The following SLC25A48 variants were observed in gnomAD, a reference collection of about 807,000 sequenced individuals.
SLC25A48 encodes CTC-321K16.1.
SLC25A48 carries 29 observed loss-of-function variants against 32.2 expected under a neutral mutation model. The ratio of observed to expected loss-of-function variants is 0.90; its 90% confidence interval spans 0.67 to 1.23. The LOEUF is 1.23. Ranked by LOEUF, SLC25A48 falls within the 50% of genes most tolerant of loss-of-function variation. SLC25A48 has a pLI of 0.00. For synonymous variants in SLC25A48, 164 were observed against 172.3 expected, an observed-to-expected ratio of 0.95 and a Z score of 0.38; for missense variants, 399 against 422.7, an observed-to-expected ratio of 0.94 and a Z score of 0.49.
chr5:135,645,248 T>G (rs1752932371), intron 3 of SLC25A48, among the ~76,000 whole-genome samples: 1 of 152,236 alleles, frequency 6.6e-6, no homozygotes, highest in African/African-American at 2.4e-5. Flanking sequence ...CTCCTTTCTG[T>G]GAGGGCCCTT....
intron 4 of SLC25A48, among the ~76,000 whole-genome samples, chr5:135,819,166 T>G (rs557174183): frequency 6.4e-4 from 96 of 149,500 alleles, no homozygotes; most frequent in Middle Eastern, 3.4e-3. Context: ...AAAAAAAAAT[T>G]TGACAAAATA....
At chr5:135,787,692 T>A (rs1756884102) in intron 3 of SLC25A48, among the ~76,000 whole-genome samples, 1 of 151,800 alleles carries the variant, frequency 6.6e-6, no homozygotes, top group African/African-American at 2.4e-5. Flanking sequence ...TCACTGGGGG[T>A]GTACACTGTG....
chr5:135,845,769 A>G (rs1759355142), intron 2 of SLC25A48, among the ~76,000 whole-genome samples: 1 of 152,184 alleles, frequency 6.6e-6, no homozygotes, highest in Admixed American at 6.5e-5. Flanking sequence ...AGGGAGGCAG[A>G]CAGTCACTTG....
At position 135,852,615 on chromosome 5, in the gene SLC25A48, A is replaced by G. The variant is rs1271318668; in HGVS notation, c.215A>G (p.Tyr72Cys). The stretch of plus-strand genomic sequence containing the variant: ...TTCCCCCTCGCCAGCATTGCCGTCT[A>G]CAACTCCGTGGTGTTTGGGGTCTTC... ...MSFPLASIAV[Y>C]NSVVFGVFSN... Residue 72 changes from tyrosine (Y) to cysteine (C), a missense_variant, in exon 4 of 8, where the codon TAC becomes TGC. Coordinates refer to ENST00000681962, the MANE Select transcript of SLC25A48 (RefSeq NM_001349336.2). 6.2e-7 allele frequency: 1 copy of G among 1,610,600 alleles called. No individual in the cohort carries two copies. The highest frequency in any genetic ancestry group is 2.2e-5 in the East Asian group (1 of 44,772).
In SLC25A48 at chr5:135,795,111, T is replaced by A. The variant is rs1022664110; in HGVS notation, c.-520-17412T>A. 1.6e-4 allele frequency among the ~76,000 whole-genome samples: 25 copies of A among 151,888 alleles called. No homozygotes were observed. In the South Asian group the frequency reaches 4.8e-3, roughly 29 times the overall value. On this transcript the variant is annotated intron_variant, in intron 3 of 10. Coordinates refer to the SLC25A48 transcript ENST00000646290. ...TAGCATCACAGGGGCTGTACACCAC[T>A]CCTGTGATATTGTTCCTAACACCCT...
chr5:135,806,268 C>T (rs1310479416), intron 3 of SLC25A48, among the ~76,000 whole-genome samples: 1 of 151,596 alleles, frequency 6.6e-6, no homozygotes, highest in African/African-American at 2.4e-5. Flanking sequence ...TCTGATGTGG[C>T]TATAACGGAT....
chr5:135,781,776 GGAT>G (rs1397541256), intron 3 of SLC25A48, among the ~76,000 whole-genome samples: 3 of 116,604 alleles, frequency 2.6e-5, no homozygotes, highest in African/African-American at 7.8e-5. Flanking sequence ...ATGGGAAAGA[GGAT>G]GATATTACTG....
At chr5:135,753,923 T>TGCCA (rs1755832683) in intron 3 of SLC25A48, among the ~76,000 whole-genome samples, 1 of 151,968 alleles carries the variant, frequency 6.6e-6, no homozygotes, top group Non-Finnish European at 1.5e-5. Context: ...AGGGTGTACA[T>TGCCA]GCCAGTTGTA....
intron 3 of SLC25A48, among the ~76,000 whole-genome samples, chr5:135,660,676 C>A (rs1753375364): frequency 2.0e-5 from 3 of 152,154 alleles, no homozygotes; most frequent in Admixed American, 6.5e-5. Context: ...AAGGACTCAG[C>A]TGAGAAGATT....
intron 3 of SLC25A48, among the ~76,000 whole-genome samples, chr5:135,738,635 T>C (rs1327890061): frequency 6.6e-6 from 1 of 152,232 alleles, no homozygotes; most frequent in Non-Finnish European, 1.5e-5. Flanking sequence ...TCTGGGCTTC[T>C]GATCTGTGAG....
At chr5:135,770,171 T>C (rs939500155) in intron 3 of SLC25A48, among the ~76,000 whole-genome samples, 3 of 148,352 alleles carry the variant, frequency 2.0e-5, no homozygotes, top group Non-Finnish European at 4.5e-5. Context: ...AGAAAAGAAG[T>C]GGATGATATT....
intron 3 of SLC25A48, among the ~76,000 whole-genome samples, chr5:135,805,661 A>G (rs1347228968): frequency 3.3e-5 from 5 of 151,618 alleles, no homozygotes; most frequent in Admixed American, 6.6e-5. Flanking sequence ...CAGTGGAGGT[A>G]CACCCTGTGA....
intron 4 of SLC25A48, among the ~76,000 whole-genome samples, chr5:135,855,047 T>C (rs779353246): frequency 4.6e-5 from 7 of 152,206 alleles, no homozygotes; most frequent in Non-Finnish European, 1.0e-4. Context: ...AGAGCAACCA[T>C]GATTAAGCTG....
intron 7 of SLC25A48, among the ~76,000 whole-genome samples, chr5:135,886,588 AATATATATATATATAT>A (rs147005349): frequency 3.1e-4 from 11 of 35,446 alleles, no homozygotes; most frequent in East Asian, 2.9e-3. Context: ...TATTTAACCA[AATATATATATATATAT>A]ATATATATAT....
chr5:135,746,418 C>T (rs576592726), intron 3 of SLC25A48: 5 of 190,476 alleles, frequency 2.6e-5, no homozygotes, highest in South Asian at 1.8e-4. Context: ...CTGCCACCCA[C>T]GCCTCCTCCA....
At chr5:135,739,219 G>A (rs1755446668) in intron 3 of SLC25A48, among the ~76,000 whole-genome samples, 1 of 152,150 alleles carries the variant, frequency 6.6e-6, no homozygotes, top group Non-Finnish European at 1.5e-5. Flanking sequence ...CCAGGCTCAA[G>A]TGATCCTCCT....
At chr5:135,771,939 A>G (rs12186937) in intron 3 of SLC25A48, among the ~76,000 whole-genome samples, 45,629 of 150,808 alleles carry the variant, frequency 0.3, 7,052 homozygotes, top group East Asian at 0.46. Context: ...AACATTCTGT[A>G]ATATTGTATG....
chr5:135,681,207 C>T (rs1263022216), intron 3 of SLC25A48, among the ~76,000 whole-genome samples: 1 of 152,188 alleles, frequency 6.6e-6, no homozygotes, highest in African/African-American at 2.4e-5. Flanking sequence ...ACTCTGACCT[C>T]AGGTGATCTG....
At chr5:135,834,169 GT>G (rs1434520080), upstream of SLC25A48, among the ~76,000 whole-genome samples, 1 of 152,222 alleles carries the variant, frequency 6.6e-6, no homozygotes, top group Non-Finnish European at 1.5e-5. Flanking sequence ...GGAGTTTGAG[GT>G]ACAGAGCACC....
Sources: gnomAD v4.1 joint callset for allele counts (sites outside exome capture counted in the v4.1 genomes callset) on GRCh38, gnomAD v4.1.1 for gene constraint, MANE v1.5 for transcripts, NCBI Gene and HGNC (gene_info 2026-07-23, HGNC 2026-07-21) for gene names.